Variants in RP1 observed in about 807,000 individuals in gnomAD.
The protein encoded by RP1 is oxygen-regulated protein 1.
Under a neutral mutation model 14.8 loss-of-function variants are expected in RP1, and 16 were observed. The ratio of observed to expected loss-of-function variants is 1.08; its 90% CI spans 0.73 to 1.65. RP1 has a LOEUF of 1.65. RP1 is among the 40% of genes most tolerant of loss of function. The pLI is 0.00. For missense variants in RP1, 2,631 were observed against 2,535.0 expected, an observed-to-expected ratio of 1.04 and a Z score of -0.81; for synonymous variants, 876 against 883.6, an observed-to-expected ratio of 0.99 and a Z score of 0.15.
At chr8:54,776,466 A>C (rs1810041711) in intron 23 of RP1, among the ~76,000 whole-genome samples, 2 of 152,218 alleles carry the variant, frequency 1.3e-5, no homozygotes, top group South Asian at 4.1e-4. Flanking sequence ...TACAGATGTG[A>C]GCTACTATTC....
rs1563330667 is a variant in RP1, at chr8:54,626,277, G to T, written c.2395G>T (p.Asp799Tyr). The part of the protein sequence containing the change: ...APKKREIGQR[D>Y]KVFPHNESKY... ...TAAAAAAAGAGAAATCGGTCAAAGA[G>T]ATAAAGTGTTTCCTCACAATGAATC... Residue 799 changes from aspartate (D) to tyrosine (Y), a missense_variant, in exon 4 of 4, where the codon GAT becomes TAT. By Grantham distance (160) the Asp-to-Tyr change is radical. Transcript: ENST00000220676. 6.2e-7 allele frequency: 1 copy of T among 1,613,364 alleles called. No homozygotes were observed. The highest frequency in any genetic ancestry group is 8.5e-7 in the Non-Finnish European group (1 of 1,179,644).
intron 12 of RP1, among the ~76,000 whole-genome samples, chr8:54,680,806 A>T (rs2129335611): frequency 6.6e-6 from 1 of 151,902 alleles, no homozygotes; most frequent in East Asian, 1.9e-4. Flanking sequence ...AAAATACAAA[A>T]AATTAGCCGG....
downstream of RP1, among the ~76,000 whole-genome samples, chr8:54,773,122 T>C (rs563832727): frequency 6.6e-6 from 1 of 152,226 alleles, no homozygotes; most frequent in East Asian, 1.9e-4. Context: ...CCATTCATTC[T>C]CCTGGCTTGG....
At chr8:54,829,524 A>T (rs1811470515) in intron 24 of RP1, among the ~76,000 whole-genome samples, 1 of 152,220 alleles carries the variant, frequency 6.6e-6, no homozygotes, top group African/African-American at 2.4e-5. Context: ...GAGGAGACAG[A>T]ACATGGAGAG....
At chr8:54,743,100 T>G (rs551611966) in intron 19 of RP1, among the ~76,000 whole-genome samples, 1 of 152,312 alleles carries the variant, frequency 6.6e-6, no homozygotes, top group East Asian at 1.9e-4. Flanking sequence ...ACACCTTACT[T>G]TACTTTTTAT....
At chr8:54,812,179 C>T (rs865993868) in intron 24 of RP1, among the ~76,000 whole-genome samples, 22 of 152,286 alleles carry the variant, frequency 1.4e-4, no homozygotes, top group Admixed American at 9.2e-4. Flanking sequence ...CTCACTCTGT[C>T]GCCCAGGCTG....
chr8:54,854,730 C>T (rs899702804), intron 26 of RP1, among the ~76,000 whole-genome samples: 9 of 151,938 alleles, frequency 5.9e-5, no homozygotes, highest in East Asian at 1.9e-4. Flanking sequence ...CCGGGCGTGG[C>T]GGCAGGCGCC....
chr8:54,754,396 T>C (rs1170398165), intron 19 of RP1, among the ~76,000 whole-genome samples: 1 of 152,010 alleles, frequency 6.6e-6, no homozygotes, highest in Non-Finnish European at 1.5e-5. Context: ...TCTGCTAGAG[T>C]CCATTTCAAA....
intron 24 of RP1, among the ~76,000 whole-genome samples, chr8:54,785,064 A>G (rs529322998): frequency 3.3e-5 from 5 of 152,114 alleles, no homozygotes; most frequent in Non-Finnish European, 7.4e-5. Context: ...TAAAGTGTAT[A>G]AAGTGTACAA....
chr8:54,679,373 T>C lies in RP1; in HGVS notation c.1479-47T>C, dbSNP rs187718045. On this transcript the variant is annotated intron_variant, in intron 9 of 22. Transcript: ENST00000636932. Reference sequence around the variant, plus strand: ...TGGGAAGATAATTGCCAATGGTTAATGTAAATATAAAGTCTGAAAATAATC... The same window carrying C: ...TGGGAAGATAATTGCCAATGGTTAACGTAAATATAAAGTCTGAAAATAATC... The C allele has an allele frequency of 1.8e-5, 26 of 1,469,008 alleles. No individual in the cohort carries two copies. In the African/African-American group the frequency reaches 3.6e-4, roughly 20 times the overall value. 91.0% of individuals were successfully genotyped at this position (1,469,008 alleles called of 1,614,324 possible).
intron 18 of RP1, chr8:54,734,832 C>A: frequency 1.0e-6 from 1 of 974,168 alleles, no homozygotes; most frequent in Non-Finnish European, 1.4e-6. Context: ...GTGTGTGTGT[C>A]TCCTATATAA....
chr8:54,765,545 C>T (rs1475456375), intron 22 of RP1, among the ~76,000 whole-genome samples: 3 of 152,224 alleles, frequency 2.0e-5, no homozygotes, highest in Non-Finnish European at 4.4e-5. Context: ...GAATTAAAAA[C>T]ATATTATCCC....
chr8:54,866,716 A>C (rs1301802327), intron 28 of RP1, among the ~76,000 whole-genome samples: 3 of 152,150 alleles, frequency 2.0e-5, no homozygotes, highest in Admixed American at 6.6e-5. Context: ...ATCCATCAAT[A>C]AGGCAATCCA....
At chr8:54,610,111 A>C (rs1563324917) in intron 1 of RP1, among the ~76,000 whole-genome samples, 1 of 152,186 alleles carries the variant, frequency 6.6e-6, no homozygotes, top group African/African-American at 2.4e-5. Context: ...CCACCAAAAA[A>C]GGTCTTGAGG....
intron 24 of RP1, among the ~76,000 whole-genome samples, chr8:54,797,653 A>G (rs1810606623): frequency 6.6e-6 from 1 of 152,044 alleles, no homozygotes; most frequent in African/African-American, 2.4e-5. Context: ...ATTTCAGATA[A>G]CCCTTCTTCC....
At chr8:54,775,016 C>T (rs1809998607) in intron 23 of RP1, among the ~76,000 whole-genome samples, 1 of 151,920 alleles carries the variant, frequency 6.6e-6, no homozygotes, top group Non-Finnish European at 1.5e-5. Flanking sequence ...TGTTTGGCAG[C>T]TTTCCTGGGT....
intron 1 of RP1, among the ~76,000 whole-genome samples, chr8:54,568,656 G>A (rs1231258121): frequency 1.3e-5 from 2 of 152,224 alleles, no homozygotes; most frequent in African/African-American, 4.8e-5. Flanking sequence ...AGGAAGTTGG[G>A]TGTGAACAAG....
intron 1 of RP1, among the ~76,000 whole-genome samples, chr8:54,604,428 G>A (rs976137940): frequency 2.2e-4 from 33 of 152,156 alleles, no homozygotes; most frequent in Non-Finnish European, 4.1e-4. Context: ...TATGCTGCTG[G>A]ATTCATTTTG....
chr8:54,813,434 C>A (rs900701889), intron 24 of RP1, among the ~76,000 whole-genome samples: 3 of 152,138 alleles, frequency 2.0e-5, no homozygotes, highest in Admixed American at 6.5e-5. Flanking sequence ...GAAATCCATG[C>A]CATGGTAAAA....
Sources: allele counts gnomAD v4.1 joint callset (sites outside exome capture counted in the v4.1 genomes callset), GRCh38; gene constraint gnomAD v4.1.1; transcripts MANE v1.5; gene names NCBI Gene and HGNC (gene_info 2026-07-23, HGNC 2026-07-21).